Variants in PCDHGA5 observed in about 807,000 individuals in gnomAD.
PCDHGA5 encodes protocadherin gamma subfamily A, 5.
In PCDHGA5, 36 loss-of-function variants were observed where a neutral mutation model predicts 56.7. The observed-to-expected ratio is 0.64, with a 90% CI of 0.49 to 0.84. The LOEUF (loss-of-function observed/expected upper bound fraction) is 0.84, where lower values mean the gene tolerates loss of function less well. PCDHGA5 is among the 40% of genes least tolerant of loss of function. PCDHGA5 has a pLI of 0.00. For missense variants in PCDHGA5, 1,305 were observed against 1,201.5 expected (o/e 1.09, Z -1.27); for synonymous variants, 563 against 520.2 (o/e 1.08, Z -1.12).
intron 1 of PCDHGA5, among the ~76,000 whole-genome samples, chr5:141,464,966 T>C (rs192224238): frequency 1.2e-3 from 178 of 152,274 alleles, no homozygotes; most frequent in Middle Eastern, 3.4e-3. Flanking sequence ...TGTCTTGAAC[T>C]ACTGGCTTCA....
chr5:141,364,470 A>G lies in PCDHGA5; in HGVS notation c.140A>G (p.Asn47Ser). The G allele has an allele frequency of 6.2e-7, 1 of 1,614,038 alleles. No individual in the cohort carries two copies. The highest frequency in any genetic ancestry group is 8.5e-7 in the Non-Finnish European group (1 of 1,179,894). Reference protein sequence around the residue: ...EELDKGSFVGNIAKDLGLEPQ... With the variant: ...EELDKGSFVGSIAKDLGLEPQ... The stretch of plus-strand genomic sequence containing the variant: ...CTGGACAAAGGCTCCTTCGTCGGCA[A>G]CATAGCCAAGGACCTTGGGCTGGAG... The change falls in exon 1 of 4, where the codon AAC becomes AGC. Residue 47 changes from asparagine (N) to serine (S), a missense_variant. By Grantham distance (46) the Asn-to-Ser change is conservative (BLOSUM62 1). Coordinates refer to ENST00000518069, the MANE Select transcript of PCDHGA5 (RefSeq NM_018918.3).
Position 141,490,509 on chromosome 5 carries a change from G to A in PCDHGA5, c.2422-4298G>A. 6.2e-7 allele frequency: 1 copy of A among 1,614,072 alleles called. No individual in the cohort carries two copies. On this transcript the variant is annotated intron_variant, in intron 1 of 3. Transcript: ENST00000518069. The surrounding 1 kb of genome is among the most constrained non-coding windows in gnomAD (Gnocchi z 5.4). ...AGGCCACATCCCACTATATCATCGA[G>A]CTGCTGGCCAGCGATGCTGGTTCAC...
In PCDHGA5 at chr5:141,486,487, C is replaced by T; in HGVS notation, c.2422-8320C>T. ...CTGGGAACCCTCCTCTCAGTACCCA[C>T]AGAACTATTTTCCTCAATATTTCAG... On this transcript the variant is annotated intron_variant, in intron 1 of 3. Coordinates refer to ENST00000518069, the MANE Select transcript of PCDHGA5 (RefSeq NM_018918.3). This position sits in a 1 kb window ranked among gnomAD's most constrained non-coding sequence, Gnocchi z 5.0. 1 of 1,614,086 alleles carries T rather than the reference C, an allele frequency of 6.2e-7. No individual in the cohort carries two copies. Among genetic ancestry groups the T allele is most frequent in the Non-Finnish European group, 8.5e-7 (1 of 1,179,918 alleles).
chr5:141,422,382 T>C (rs1390444026), intron 1 of PCDHGA5: 5 of 1,585,154 alleles, frequency 3.2e-6, no homozygotes, highest in Admixed American at 1.8e-5. Context: ...AAGTCTCCTG[T>C]TTTATTCCTA....
chr5:141,365,976 G>T lies in PCDHGA5; in HGVS notation c.1646G>T (p.Ser549Ile). 6.2e-7 allele frequency: 1 copy of T among 1,614,232 alleles called. No individual in the cohort carries two copies. The highest frequency in any genetic ancestry group is 8.5e-7 in the Non-Finnish European group (1 of 1,180,038). ...CCACTTAGCAGCAACGTGTCGCTGA[G>T]CCTGTTTGTGCTGGACCAGAACGAC... is the stretch of plus-strand genomic sequence containing the variant. ...NPPLSSNVSL[S>I]LFVLDQNDNT... Residue 549 changes from serine (S) to isoleucine (I), a missense_variant, in exon 1 of 4, where the codon AGC becomes ATC. Physicochemically the swap from Ser to Ile is moderately radical, Grantham distance 142. Transcript: ENST00000518069.
At chr5:141,420,887 G>C (rs2096530920) in intron 1 of PCDHGA5, among the ~76,000 whole-genome samples, 1 of 152,204 alleles carries the variant, frequency 6.6e-6, no homozygotes, top group African/African-American at 2.4e-5. Context: ...GTGTATCATC[G>C]TTTTTAAGCT....
intron 1 of PCDHGA5, chr5:141,409,528 C>T (rs1488294674): frequency 3.1e-6 from 5 of 1,613,882 alleles, no homozygotes; most frequent in Non-Finnish European, 4.2e-6. Context: ...CCTTGTATGT[C>T]GCTGACATCA....
At chr5:141,499,356 C>A (rs1472104991) in intron 2 of PCDHGA5, among the ~76,000 whole-genome samples, 1 of 152,062 alleles carries the variant, frequency 6.6e-6, no homozygotes, top group Non-Finnish European at 1.5e-5. Context: ...ATTCAACAAA[C>A]AAATAGCAAC....
intron 3 of PCDHGA5, among the ~76,000 whole-genome samples, chr5:141,508,986 G>C (rs1298630784): frequency 2.0e-5 from 3 of 152,148 alleles, no homozygotes; most frequent in Non-Finnish European, 4.4e-5. Context: ...GTGGGGGCCA[G>C]CTGGGGTAGG....
At chr5:141,408,202 G>C (rs778320550) in intron 1 of PCDHGA5, 8 of 1,549,950 alleles carry the variant, frequency 5.2e-6, no homozygotes, top group South Asian at 3.6e-5. Context: ...CCGAGCGAAC[G>C]ATGGGAGGGA....
chr5:141,468,419 G>A (rs1733006381), intron 1 of PCDHGA5: 1 of 151,826 alleles, frequency 6.6e-6, no homozygotes, highest in Admixed American at 6.6e-5. Flanking sequence ...AAGTTAGATA[G>A]CAAGGTAATA....
In PCDHGA5 at chr5:141,391,294, C is replaced by T. The variant is rs1189563844; in HGVS notation, c.2421+24543C>T. On this transcript the variant is annotated intron_variant, in intron 1 of 3. Transcript: ENST00000518069. Reference sequence around the variant, plus strand: ...TTTACAAATTGCTGAAAGAAGGAAACGTCTTTCGATTCTTTTTTTTTTCTT... The same window carrying T: ...TTTACAAATTGCTGAAAGAAGGAAATGTCTTTCGATTCTTTTTTTTTTCTT... 5.9e-5 allele frequency: 9 copies of T among 151,668 alleles called. 2 individuals are homozygous for T. The highest frequency in any genetic ancestry group is 5.3e-4 in the Admixed American group (8 of 15,220). 9.4% of individuals were successfully genotyped at this position (151,668 alleles called of 1,614,324 possible).
Position 141,493,022 on chromosome 5 carries a change from G to T in PCDHGA5, c.2422-1785G>T, listed in dbSNP as rs1184742888. ...GCTATAGGCTCTGCCAGATGCCAGG[G>T]TGCCCTTATGTGTGAGGAAACTACA... On this transcript the variant is annotated intron_variant, in intron 1 of 3. Transcript: ENST00000518069. The surrounding 1 kb of genome is among the most constrained non-coding windows in gnomAD (Gnocchi z 4.3). Among the ~76,000 whole-genome samples the T allele has an allele frequency of 1.3e-5, 2 of 152,222 alleles. No individual in the cohort carries two copies. Among genetic ancestry groups the T allele is most frequent in the Admixed American group, 1.3e-4 (2 of 15,282 alleles).
chr5:141,419,769 CGGT>C, intron 1 of PCDHGA5: 1 of 1,614,006 alleles, frequency 6.2e-7, no homozygotes, highest in Non-Finnish European at 8.5e-7. Context: ...GACAAGGACT[CGGT>C]CCGCCAGCGC....
Position 141,511,913 on chromosome 5 carries a change from A to G in PCDHGA5, c.*740A>G, listed in dbSNP as rs1190072814. On this transcript the variant is annotated 3_prime_UTR_variant, in exon 4 of 4. Coordinates refer to ENST00000518069, the MANE Select transcript of PCDHGA5 (RefSeq NM_018918.3). ...CCCCCACCTCCTCCTCAAACAAGAG[A>G]CTCCACTGCATGTTCCAAGACAGTA... is the stretch of plus-strand genomic sequence containing the variant. The G allele has an allele frequency of 6.4e-6, 1 of 156,050 alleles. No individual in the cohort carries two copies. The highest frequency in any genetic ancestry group is 2.4e-5 in the African/African-American group (1 of 41,402). The allele number at this position is 156,050 out of a possible 1,614,324, so 9.7% of individuals were successfully genotyped here.
At position 141,511,574 on chromosome 5, in the gene PCDHGA5, GT is replaced by G. The variant is rs1158598698; in HGVS notation, c.*403del. ...CAGTTCCTCTTTCCCGAGTAAGGTG[GT>G]TGGGGTGTTGAAGTACCAAGTAACC... On this transcript the variant is annotated 3_prime_UTR_variant, in exon 4 of 4. Coordinates refer to ENST00000518069, the MANE Select transcript of PCDHGA5 (RefSeq NM_018918.3). 3.5e-6 allele frequency: 1 copy of G among 287,556 alleles called. No individual in the cohort carries two copies. The highest frequency in any genetic ancestry group is 2.2e-5 in the African/African-American group (1 of 46,340). 17.8% of individuals were successfully genotyped at this position (287,556 alleles called of 1,614,324 possible).
rs1041367498 is a variant in PCDHGA5 at position 141,489,060 on chromosome 5, T to G, written c.2422-5747T>G. ...CAGCTCCACTCAAATTCAGCTCCCCTCCCCCCTGCCCACCCCCGCCACTCG... is the reference window on the plus strand; with the variant it reads ...CAGCTCCACTCAAATTCAGCTCCCCGCCCCCCTGCCCACCCCCGCCACTCG... On this transcript the variant is annotated intron_variant, in intron 1 of 3. Transcript: ENST00000518069. This position sits in a 1 kb window ranked among gnomAD's most constrained non-coding sequence, Gnocchi z 4.5. The G allele has an allele frequency of 1.7e-5, 5 of 300,224 alleles. No individual in the cohort carries two copies. The highest frequency in any genetic ancestry group is 2.4e-5 in the African/African-American group (1 of 42,484). The allele number at this position is 300,224 out of a possible 1,614,324, so 18.6% of individuals were successfully genotyped here.
chr5:141,486,522 A>G lies in PCDHGA5; in HGVS notation c.2422-8285A>G. 1 of 1,614,174 alleles carries G rather than the reference A, an allele frequency of 6.2e-7. No homozygotes were observed. Among genetic ancestry groups the G allele is most frequent in the Non-Finnish European group, 8.5e-7 (1 of 1,180,024 alleles). On this transcript the variant is annotated intron_variant, in intron 1 of 3. Transcript: ENST00000518069. The surrounding 1 kb of genome is among the most constrained non-coding windows in gnomAD (Gnocchi z 5.0). The stretch of plus-strand genomic sequence containing the variant: ...TTCCTCAATATTTCAGATGTGAATG[A>G]TAATCCACCCTCTTTCTTTCAGAGG...
At chr5:141,475,803 G>T in intron 1 of PCDHGA5, 1 of 319,920 alleles carries the variant, frequency 3.1e-6, no homozygotes, top group Non-Finnish European at 5.7e-6. Flanking sequence ...GAAGCCAAAG[G>T]AAAGTGAAGT....
Sources: allele counts gnomAD v4.1 joint callset (sites outside exome capture counted in the v4.1 genomes callset), GRCh38; gene constraint gnomAD v4.1.1; non-coding constraint Gnocchi (gnomAD v3.1); transcripts MANE v1.5; gene names NCBI Gene and HGNC (gene_info 2026-07-23, HGNC 2026-07-21).